SDK1: variants seen among roughly 807,000 people sequenced by gnomAD.
SDK1 encodes protein sidekick-1.
In SDK1, 157 loss-of-function variants were observed where a neutral mutation model predicts 245.5. That is an observed-to-expected ratio of 0.64 (90% CI 0.56 to 0.73). The LOEUF (loss-of-function observed/expected upper bound fraction) is 0.73, where lower values mean the gene tolerates loss of function less well. Among genes scored for constraint, SDK1 ranks in the 30% least tolerant of loss-of-function variants. The probability of loss-of-function intolerance (pLI) is 0.00; values close to 1 mark genes in which losing one functional copy is unlikely to be tolerated. For synonymous variants in SDK1, 1,647 were observed against 1,278.5 expected (o/e 1.29, Z -6.15); for missense variants, 3,583 against 3,002.3 (o/e 1.19, Z -4.52).
At chr7:3,951,342 C>T (rs73038418) in intron 6 of SDK1, among the ~76,000 whole-genome samples, 6,867 of 152,264 alleles carry the variant, frequency 0.045, 232 homozygotes, top group Non-Finnish European at 0.064. Context: ...TTGCTCTTCT[C>T]CTCTTAGTCA....
At chr7:3,541,502 A>C (rs549528151) in intron 1 of SDK1, among the ~76,000 whole-genome samples, 1 of 152,148 alleles carries the variant, frequency 6.6e-6, no homozygotes, top group East Asian at 1.9e-4. Context: ...ATGAAGTCCT[A>C]GTTATGCTTC....
intron 1 of SDK1, among the ~76,000 whole-genome samples, chr7:3,303,495 G>A (rs777021459): frequency 1.3e-5 from 2 of 152,138 alleles, no homozygotes; most frequent in African/African-American, 2.4e-5. Flanking sequence ...TTTGAAGGTT[G>A]TGTAAAGCAT....
At chr7:3,581,255 C>CA (rs35166755) in intron 1 of SDK1, among the ~76,000 whole-genome samples, 38 of 151,696 alleles carry the variant, frequency 2.5e-4, no homozygotes, top group African/African-American at 5.1e-4. Flanking sequence ...CTTAAATTTA[C>CA]AAAAAAAACC....
chr7:3,913,817 G>T (rs1779273564), intron 5 of SDK1, among the ~76,000 whole-genome samples: 1 of 152,104 alleles, frequency 6.6e-6, no homozygotes, highest in Non-Finnish European at 1.5e-5. Flanking sequence ...ATTTCTCTTT[G>T]ATTTTCCTCC....
intron 19 of SDK1, among the ~76,000 whole-genome samples, chr7:4,065,330 G>C (rs1020148513): frequency 5.0e-4 from 76 of 152,292 alleles, no homozygotes; most frequent in African/African-American, 1.7e-3. Flanking sequence ...CCGAGGAAAT[G>C]AGAAGTTGTT....
chr7:3,605,780 T>A (rs894200564), intron 1 of SDK1, among the ~76,000 whole-genome samples: 1 of 152,196 alleles, frequency 6.6e-6, no homozygotes, highest in African/African-American at 2.4e-5. Context: ...ATAAGGTGAT[T>A]TCTATTTTTA....
At chr7:3,999,694 G>C (rs191929566) in intron 14 of SDK1, among the ~76,000 whole-genome samples, 35 of 152,348 alleles carry the variant, frequency 2.3e-4, no homozygotes, top group African/African-American at 6.5e-4. Context: ...GAAGCTGGAG[G>C]CTGGAGGCTG....
intron 4 of SDK1, among the ~76,000 whole-genome samples, chr7:3,791,368 T>C (rs1192408661): frequency 6.6e-6 from 1 of 152,166 alleles, no homozygotes; most frequent in African/African-American, 2.4e-5. Context: ...CTCCGTATTT[T>C]ACAAGAAGCT....
At chr7:4,238,102 T>A (rs1007647403) in intron 42 of SDK1, among the ~76,000 whole-genome samples, 3 of 149,922 alleles carry the variant, frequency 2.0e-5, no homozygotes, top group South Asian at 2.1e-4. Context: ...TTTTTTTTTT[T>A]ACAGTCTCAC....
chr7:4,232,410 TC>T (rs765689629), intron 40 of SDK1, among the ~76,000 whole-genome samples: 2,159 of 111,914 alleles, frequency 0.019, 71 homozygotes, highest in African/African-American at 0.044. Flanking sequence ...TTCTTTTCTT[TC>T]TTTTTTTTTT....
chr7:3,674,733 A>G (rs994782146), intron 4 of SDK1, among the ~76,000 whole-genome samples: 1 of 152,166 alleles, frequency 6.6e-6, no homozygotes, highest in Non-Finnish European at 1.5e-5. Flanking sequence ...TCCAATTTTC[A>G]TGGTGTGAAT....
At chr7:3,418,524 A>AT (rs1206715177) in intron 1 of SDK1, among the ~76,000 whole-genome samples, 8 of 152,104 alleles carry the variant, frequency 5.3e-5, no homozygotes, top group Middle Eastern at 3.4e-3. Flanking sequence ...GACAGGTGGC[A>AT]TAAAAAAAAA....
chr7:3,476,067 C>G (rs557789647), intron 1 of SDK1: 194 of 152,694 alleles, frequency 1.3e-3, no homozygotes, highest in African/African-American at 4.5e-3. Context: ...TTTTAAAACT[C>G]AATTTAAAAC....
At chr7:4,174,384 C>T (rs369648374) in intron 33 of SDK1, 27 bp downstream of exon 33, 18 of 1,611,420 alleles carry the variant, frequency 1.1e-5, no homozygotes, top group Admixed American at 1.7e-5. Context: ...TGTCCTGGTA[C>T]AGGGAGGGAG....
intron 1 of SDK1, among the ~76,000 whole-genome samples, chr7:3,508,954 A>G (rs1159971497): frequency 6.6e-6 from 1 of 151,806 alleles, no homozygotes; most frequent in African/African-American, 2.4e-5. Flanking sequence ...GGATAAACAT[A>G]TCTGCACTGT....
chr7:3,867,791 T>A (rs1288892538), intron 5 of SDK1, among the ~76,000 whole-genome samples: 1 of 152,236 alleles, frequency 6.6e-6, no homozygotes, highest in Non-Finnish European at 1.5e-5. Flanking sequence ...TGGGGTAGTG[T>A]GCTTGTTTCT....
At position 3,375,407 on chromosome 7, in the gene SDK1, ATGGT is replaced by A. The variant is rs552234892; in HGVS notation, c.298+73529_298+73532del. Among the ~76,000 whole-genome samples, 469 of 152,212 alleles carry A rather than the reference ATGGT, an allele frequency of 3.1e-3. 1 individual carries two copies. The highest frequency in any genetic ancestry group is 0.011 in the African/African-American group (441 of 41,546). On this transcript the variant is annotated intron_variant, in intron 1 of 44. Transcript: ENST00000404826. ...TTCATTTTAAAGTAGTGTAAAATAG[ATGGT>A]TGGTTATCAGCCTGCAAGTTGGCTC...
At chr7:3,678,536 A>T (rs1335925556) in intron 4 of SDK1, among the ~76,000 whole-genome samples, 1 of 152,152 alleles carries the variant, frequency 6.6e-6, no homozygotes, top group Non-Finnish European at 1.5e-5. Context: ...ATAAAAGAAC[A>T]CCCATTGTGT....
intron 1 of SDK1, among the ~76,000 whole-genome samples, chr7:3,323,279 A>G (rs1176268297): frequency 6.6e-6 from 1 of 152,172 alleles, no homozygotes; most frequent in Non-Finnish European, 1.5e-5. Flanking sequence ...CCGGCACAGT[A>G]CCTGATGTCT....
Sources: allele counts gnomAD v4.1 joint callset (sites outside exome capture counted in the v4.1 genomes callset), GRCh38; gene constraint gnomAD v4.1.1; transcripts MANE v1.5; gene names NCBI Gene and HGNC (gene_info 2026-07-23, HGNC 2026-07-21).